The following KIF26B variants were observed in gnomAD, a reference collection of about 807,000 sequenced individuals.
The protein encoded by KIF26B is kinesin-like protein KIF26B.
A neutral mutation model predicts 151.2 loss-of-function variants in KIF26B; 63 were observed. That is an observed-to-expected ratio of 0.42 (90% CI 0.34 to 0.51). The LOEUF (loss-of-function observed/expected upper bound fraction) is 0.51, where lower values mean the gene tolerates loss of function less well. Among genes scored for constraint, KIF26B ranks in the 20% least tolerant of loss-of-function variants. KIF26B has a pLI of 0.07. For missense variants in KIF26B, 2,813 were observed against 2,913.6 expected, an observed-to-expected ratio of 0.97 and a Z score of 0.79; for synonymous variants, 1,357 against 1,262.1, an observed-to-expected ratio of 1.08 and a Z score of -1.59.
At chr1:245,470,173 C>T (rs1022221150) in intron 4 of KIF26B, among the ~76,000 whole-genome samples, 4 of 151,992 alleles carry the variant, frequency 2.6e-5, no homozygotes, top group Non-Finnish European at 5.9e-5. Context: ...GTGACGTTGA[C>T]ACCCAGACTT....
At chr1:245,394,500 G>C (rs1277701703) in intron 3 of KIF26B, among the ~76,000 whole-genome samples, 1 of 152,046 alleles carries the variant, frequency 6.6e-6, no homozygotes, top group Non-Finnish European at 1.5e-5. Flanking sequence ...GCACAGGCCT[G>C]TAGTCTCAGT....
At chr1:245,474,831 T>C (rs924408007) in intron 4 of KIF26B, among the ~76,000 whole-genome samples, 4 of 151,896 alleles carry the variant, frequency 2.6e-5, no homozygotes, top group Non-Finnish European at 5.9e-5. Context: ...ATCTACTCTC[T>C]GTCTTCACCA....
chr1:245,348,794 C>T (rs1209016089), intron 2 of KIF26B, among the ~76,000 whole-genome samples: 1 of 152,170 alleles, frequency 6.6e-6, no homozygotes, highest in Admixed American at 6.5e-5. Context: ...TCTTGCTGTT[C>T]CCAGTTACGC....
chr1:245,201,387 C>T (rs1669299032), intron 2 of KIF26B, among the ~76,000 whole-genome samples: 1 of 152,224 alleles, frequency 6.6e-6, no homozygotes, highest in South Asian at 2.1e-4. Context: ...ACACAGAGAT[C>T]ATTTAAATGC....
chr1:245,252,340 C>T (rs1670460135), intron 2 of KIF26B, among the ~76,000 whole-genome samples: 1 of 150,664 alleles, frequency 6.6e-6, no homozygotes, highest in African/African-American at 2.4e-5. Context: ...TTATATAGCT[C>T]TTCATTCATG....
At chr1:245,345,931 C>CTTTT (rs371687031) in intron 2 of KIF26B, among the ~76,000 whole-genome samples, 4 of 139,426 alleles carry the variant, frequency 2.9e-5, no homozygotes, top group African/African-American at 9.2e-5. Flanking sequence ...TTCTTTCTTT[C>CTTTT]TTTCTTTTTT....
At chr1:245,184,050 G>GTTTTTTGTTTTTTGTTTTTTT (rs1553332272) in intron 2 of KIF26B, among the ~76,000 whole-genome samples, 1 of 19,810 alleles carries the variant, frequency 5.0e-5, no homozygotes, top group African/African-American at 1.5e-4. Flanking sequence ...GGGAGTTGTT[G>GTTTTTTGTTTTTTGTTTTTTT]TTTTTTTTTT....
chr1:245,345,935 C>CTTTT (rs773751148), intron 2 of KIF26B, among the ~76,000 whole-genome samples: 3 of 123,704 alleles, frequency 2.4e-5, no homozygotes, highest in Admixed American at 7.8e-5. Context: ...TTCTTTCTTT[C>CTTTT]TTTTTTTTTT....
At chr1:245,255,866 T>C (rs1412031897) in intron 2 of KIF26B, among the ~76,000 whole-genome samples, 1 of 152,232 alleles carries the variant, frequency 6.6e-6, no homozygotes, top group East Asian at 1.9e-4. Flanking sequence ...TAGCAATTTC[T>C]AAATTGTTAG....
At chr1:245,539,647 A>G (rs1661560544) in intron 4 of KIF26B, among the ~76,000 whole-genome samples, 1 of 152,026 alleles carries the variant, frequency 6.6e-6, no homozygotes, top group Non-Finnish European at 1.5e-5. Context: ...TAAGATGATC[A>G]TGGATTTGTT....
In KIF26B at chr1:245,173,605, G is replaced by T. The variant is rs184170871; in HGVS notation, c.465+16922G>T. 1.9e-4 allele frequency among the ~76,000 whole-genome samples: 29 copies of T among 152,220 alleles called. No individual in the cohort carries two copies. In the East Asian group the frequency reaches 5.2e-3, roughly 27 times the overall value. On this transcript the variant is annotated intron_variant, in intron 2 of 14. Transcript: ENST00000407071. ...AGTGAGGTTAGATGCCTGGAGACGC[G>T]GGCCGGGGAGGCTGTGGTCCTGCAC...
intron 4 of KIF26B, among the ~76,000 whole-genome samples, chr1:245,431,073 C>T (rs2103041617): frequency 6.6e-6 from 1 of 152,296 alleles, no homozygotes; most frequent in Non-Finnish European, 1.5e-5. Context: ...TTGCAATGGA[C>T]AGGGGTCATT....
At chr1:245,542,633 G>A (rs547036940) in intron 5 of KIF26B, among the ~76,000 whole-genome samples, 7 of 152,246 alleles carry the variant, frequency 4.6e-5, no homozygotes, top group African/African-American at 9.6e-5. Context: ...GCCGTGGTAC[G>A]CCACAGGGGC....
intron 10 of KIF26B, among the ~76,000 whole-genome samples, chr1:245,650,878 G>A (rs186417620): frequency 9.6e-4 from 146 of 152,306 alleles, no homozygotes; most frequent in African/African-American, 3.3e-3. Flanking sequence ...TAACCATCCT[G>A]TCGTGGAAAT....
Position 245,688,376 on chromosome 1 carries a change from A to G in KIF26B, c.5393A>G (p.Lys1798Arg), listed in dbSNP as rs1194904672. 3.9e-6 allele frequency: 6 copies of G among 1,535,292 alleles called. No individual in the cohort carries two copies. The highest frequency in any genetic ancestry group is 1.2e-5 in the South Asian group (1 of 83,106). Reference sequence around the variant, plus strand: ...AACAGGAGCTCGGGCCTGGCCTCCAAGCTTCCCCTGCGGGCCGTCAGCGGG... The same window carrying G: ...AACAGGAGCTCGGGCCTGGCCTCCAGGCTTCCCCTGCGGGCCGTCAGCGGG... ...SRNRSSGLAS[K>R]LPLRAVSGRI... The change falls in exon 12 of 15, where the codon AAG becomes AGG. Residue 1798 changes from lysine (K) to arginine (R), a missense_variant. Around this residue, in one of 3 missense-constraint regions of KIF26B, gnomAD observed 2,060 missense variants for 2,088.6 expected, o/e 0.99. Coordinates refer to ENST00000407071, the MANE Select transcript of KIF26B (RefSeq NM_018012.4).
chr1:245,214,535 C>T (rs1330235156), intron 2 of KIF26B, among the ~76,000 whole-genome samples: 1 of 152,148 alleles, frequency 6.6e-6, no homozygotes, highest in Non-Finnish European at 1.5e-5. Flanking sequence ...CTTGAGCGGG[C>T]GTCCAGTGCA....
chr1:245,534,786 CTTT>C lies in KIF26B; in HGVS notation c.1167-5969_1167-5967del, dbSNP rs58406934. ...TCTAATCAAAATGTCTTTACCTTTT[CTTT>C]TTTTTTTTTTTGAGATGGAGTGTTG... On this transcript the variant is annotated intron_variant, in intron 4 of 14. Transcript: ENST00000407071. Among the ~76,000 whole-genome samples the C allele has an allele frequency of 8.4e-5, 12 of 143,644 alleles. No homozygotes were observed. In the South Asian group the frequency reaches 8.8e-4, roughly 11 times the overall value. 94.2% of individuals were successfully genotyped at this position (143,644 alleles called of 152,430 possible). A position where few individuals can be genotyped will look rare whatever the true frequency, so the allele number is the denominator to read the frequency against.
At chr1:245,618,257 T>C (rs577756494) in intron 9 of KIF26B, among the ~76,000 whole-genome samples, 13 of 152,360 alleles carry the variant, frequency 8.5e-5, no homozygotes, top group Admixed American at 5.2e-4. Context: ...TGGCTGTTTG[T>C]GAGCTAGTCC....
intron 2 of KIF26B, among the ~76,000 whole-genome samples, chr1:245,280,530 C>CAAAAAA (rs1170207967): frequency 6.3e-5 from 5 of 79,616 alleles, no homozygotes; most frequent in African/African-American, 1.3e-4. Flanking sequence ...GACTCTGTCT[C>CAAAAAA]AAAAAAAAAA....
Sources: gnomAD v4.1 joint callset for allele counts (sites outside exome capture counted in the v4.1 genomes callset) on GRCh38, gnomAD v4.1.1 for gene constraint, gnomAD v4.1.1 regional missense constraint, MANE v1.5 for transcripts, NCBI Gene and HGNC (gene_info 2026-07-23, HGNC 2026-07-21) for gene names.